The following CFAP46 variants were observed in gnomAD, a reference collection of about 807,000 sequenced individuals.
The protein encoded by CFAP46 is cilia and flagella associated protein 46, also known as cilia- and flagella-associated protein 46.
A neutral mutation model predicts 325.7 loss-of-function variants in CFAP46; 245 were observed. The ratio of observed to expected loss-of-function variants is 0.75; its 90% confidence interval spans 0.68 to 0.84. The LOEUF (loss-of-function observed/expected upper bound fraction) is 0.84, where lower values mean the gene tolerates loss of function less well. CFAP46 is among the 40% of genes least tolerant of loss of function. CFAP46 has a pLI of 0.00. For synonymous variants in CFAP46, 1,523 were observed against 1,495.9 expected, an observed-to-expected ratio of 1.02 and a Z score of -0.42; for missense variants, 3,346 against 3,543.0, an observed-to-expected ratio of 0.94 and a Z score of 1.41.
intron 50 of CFAP46, among the ~76,000 whole-genome samples, chr10:132,826,891 T>A (rs80059377): frequency 0.047 from 7,134 of 152,228 alleles, 233 homozygotes; most frequent in Non-Finnish European, 0.067. Context: ...GGCTTTGCAG[T>A]ACAGTCAGGA....
chr10:132,854,403 C>T (rs958951647), intron 39 of CFAP46, among the ~76,000 whole-genome samples: 4 of 152,240 alleles, frequency 2.6e-5, no homozygotes, highest in Admixed American at 6.5e-5. Flanking sequence ...GTGGCGTGAT[C>T]GCCACTCACT....
At chr10:132,887,780 C>T (rs1483948286) in intron 25 of CFAP46, among the ~76,000 whole-genome samples, 1 of 93,876 alleles carries the variant, frequency 1.1e-5, no homozygotes, top group Non-Finnish European at 2.2e-5. Flanking sequence ...CCCTTCTTCT[C>T]TCTCCTCTCC....
At chr10:132,862,405 A>T (rs983098446) in intron 35 of CFAP46, among the ~76,000 whole-genome samples, 1 of 99,994 alleles carries the variant, frequency 1.0e-5, no homozygotes, top group Middle Eastern at 6.8e-3. Flanking sequence ...GCCGGGGGTG[A>T]GGAGCGCCCA....
intron 48 of CFAP46, 92 bp downstream of exon 48, chr10:132,834,562 C>T: frequency 6.6e-7 from 1 of 1,526,366 alleles, no homozygotes; most frequent in Non-Finnish European, 8.8e-7. Flanking sequence ...GCCGAGAAGG[C>T]ACAGCAAGCA....
intron 21 of CFAP46, 46 bp downstream of exon 21, chr10:132,909,091 C>T: frequency 1.4e-6 from 2 of 1,427,700 alleles, no homozygotes; most frequent in Non-Finnish European, 1.9e-6. Context: ...CCTCGGCGTC[C>T]TCGCCTCTTG....
chr10:132,922,420 C>T (rs544185740), intron 12 of CFAP46, 60 bp downstream of exon 12: 16 of 1,485,362 alleles, frequency 1.1e-5, no homozygotes, highest in African/African-American at 8.4e-5. Context: ...CTCAGAGCCC[C>T]GCCCCGGCCC....
At chr10:132,833,948 C>G (rs1014099639) in intron 49 of CFAP46, 93 bp downstream of exon 49, 14 of 1,187,634 alleles carry the variant, frequency 1.2e-5, no homozygotes, top group African/African-American at 3.0e-5. Context: ...CCTGACCCCC[C>G]CTGGCGTTCC....
At chr10:132,910,550 A>AT (rs1849526728) in intron 19 of CFAP46, among the ~76,000 whole-genome samples, 3 of 152,198 alleles carry the variant, frequency 2.0e-5, no homozygotes, top group African/African-American at 7.2e-5. Context: ...GAGTTTCTTC[A>AT]TGCTGTGCGC....
intron 50 of CFAP46, among the ~76,000 whole-genome samples, chr10:132,823,805 G>T (rs1847956135): frequency 8.0e-6 from 1 of 125,074 alleles, no homozygotes; most frequent in Non-Finnish European, 1.7e-5. Context: ...CTGTGTGTGT[G>T]CTGTGTGCTG....
intron 27 of CFAP46, among the ~76,000 whole-genome samples, 183 bp from the exon 28 acceptor site, chr10:132,881,215 G>A (rs544775749): frequency 8.5e-5 from 13 of 152,312 alleles, no homozygotes; most frequent in Admixed American, 2.0e-4. Flanking sequence ...GACATTTCAG[G>A]TGCAGTTGTT....
rs182757220 is a variant in CFAP46 at position 132,891,081 on chromosome 10, T to G, written c.3304+1252A>C. On this transcript the variant is annotated intron_variant, in intron 25 of 57. Coordinates refer to ENST00000368586, the MANE Select transcript of CFAP46 (RefSeq NM_001200049.3). ...GTGTGTTTGTTTTTGCAGGAGTGTG[T>G]GTCCACGTTTTTTGTGGAAGTAGAA... Among the ~76,000 whole-genome samples, 368 of 152,362 alleles carry G rather than the reference T, an allele frequency of 2.4e-3. 2 individuals carry two copies. Among genetic ancestry groups the G allele is most frequent in the African/African-American group, 8.6e-3 (359 of 41,580 alleles).
rs531955231 is a variant in CFAP46, at chr10:132,906,431, C to G, written c.2924+2037G>C. 3.3e-5 allele frequency among the ~76,000 whole-genome samples: 5 copies of G among 152,206 alleles called. No individual in the cohort carries two copies. In the South Asian group the frequency reaches 1.0e-3, roughly 32 times the overall value. ...CCTGGGAACAGTAGTGCCTGCCAAC[C>G]GAGAAGAGTGAACGGGGTCCTGGCG... On this transcript the variant is annotated intron_variant, in intron 22 of 57. Coordinates refer to ENST00000368586, the MANE Select transcript of CFAP46 (RefSeq NM_001200049.3).
intron 19 of CFAP46, among the ~76,000 whole-genome samples, chr10:132,912,424 CT>C (rs1849558952): frequency 3.1e-5 from 4 of 130,438 alleles, no homozygotes; most frequent in African/African-American, 9.0e-5. Context: ...ATCTCTCTCT[CT>C]CACCTCCCTC....
rs1848086863 is a variant in CFAP46, at chr10:132,827,959, GCC to G, written c.7117+5397_7117+5398del. On this transcript the variant is annotated intron_variant, in intron 50 of 57. Transcript: ENST00000368586. This position sits in a 1 kb window ranked among gnomAD's most constrained non-coding sequence, Gnocchi z 5.7. ...CCCTCGGCGTAATCCTTCTGAGTGA[GCC>G]CCGTCACCCCTCAGCGTAATCCTTC... 6.6e-6 allele frequency among the ~76,000 whole-genome samples: 1 copy of G among 150,674 alleles called. No homozygotes were observed. The highest frequency in any genetic ancestry group is 2.4e-4 in the South Asian group (1 of 4,244).
At position 132,814,198 on chromosome 10, in the gene CFAP46, A is replaced by G. The variant is rs1268531366; in HGVS notation, c.7342T>C (p.Phe2448Leu). The G allele has an allele frequency of 1.2e-6, 2 of 1,613,880 alleles. No individual in the cohort carries two copies. The highest frequency in any genetic ancestry group is 1.7e-6 in the Non-Finnish European group (2 of 1,180,018). The change falls in exon 54 of 58, where the codon TTC (phenylalanine) becomes CTC (leucine). Residue 2448 changes from phenylalanine (F) to leucine (L), a missense_variant. Transcript: ENST00000368586. Reference sequence around the variant, plus strand: ...AGATGTCCCGCCCATCGCGACGTGAATGTGTCTTGGAATCTTTCCAAAATG... The same window carrying G: ...AGATGTCCCGCCCATCGCGACGTGAGTGTGTCTTGGAATCTTTCCAAAATG... ...QDILERFQDT[F>L]TSRWAGHLGS... is the part of the protein sequence containing the mutation.
intron 10 of CFAP46, among the ~76,000 whole-genome samples, chr10:132,925,726 C>T (rs1289217111): frequency 2.6e-5 from 4 of 152,382 alleles, no homozygotes; most frequent in East Asian, 3.9e-4. Flanking sequence ...AAGTCCACAG[C>T]GGCATCGGCA....
Position 132,810,998 on chromosome 10 carries a change from C to A in CFAP46, c.7535G>T (p.Arg2512Leu). ...GTGCCTCTTCAAGCTCTGGTAGGACCGCGCCAGGTCCAGCAGGACTGCCAC... is the reference window on the plus strand; with the variant it reads ...GTGCCTCTTCAAGCTCTGGTAGGACAGCGCCAGGTCCAGCAGGACTGCCAC... ...CQVAVLLDLA[R>L]SYQSLKRHME... Residue 2512 changes from arginine to leucine, a missense_variant, in exon 56 of 58, where the codon CGG becomes CTG. Arg to Leu is a moderately radical substitution (Grantham distance 102). Coordinates refer to ENST00000368586, the MANE Select transcript of CFAP46 (RefSeq NM_001200049.3). 1.9e-6 allele frequency: 3 copies of A among 1,606,936 alleles called. No homozygotes were observed. Among genetic ancestry groups the A allele is most frequent in the Non-Finnish European group, 2.5e-6 (3 of 1,177,058 alleles).
chr10:132,881,402 GT>G (rs1849041231), intron 27 of CFAP46, among the ~76,000 whole-genome samples: 1 of 152,206 alleles, frequency 6.6e-6, no homozygotes, highest in Admixed American at 6.5e-5. Context: ...CCCTCTCTGG[GT>G]GGCTCTGTGG....
chr10:132,886,001 C>A lies in CFAP46; in HGVS notation c.3305-42G>T. 1 of 1,542,206 alleles carries A rather than the reference C, an allele frequency of 6.5e-7. No individual in the cohort carries two copies. The highest frequency in any genetic ancestry group is 1.2e-5 in the South Asian group (1 of 83,736). On this transcript the variant is annotated intron_variant, in intron 25 of 57. Transcript: ENST00000368586. The surrounding 1 kb of genome is among the most constrained non-coding windows in gnomAD (Gnocchi z 5.8). The stretch of plus-strand genomic sequence containing the variant: ...GGGGTGTCCTTGGAGCCGCCTGATC[C>A]CTCATCAAAGGCGCCCTCGGACCTC...
Sources: allele counts gnomAD v4.1 joint callset (sites outside exome capture counted in the v4.1 genomes callset), GRCh38; gene constraint gnomAD v4.1.1; non-coding constraint Gnocchi (gnomAD v3.1); transcripts MANE v1.5; gene names NCBI Gene and HGNC (gene_info 2026-07-23, HGNC 2026-07-21).